The following SUGCT variants were observed in gnomAD, a reference collection of about 807,000 sequenced individuals.
The protein encoded by SUGCT is succinyl-CoA:glutarate-CoA transferase.
In SUGCT, 41 loss-of-function variants were observed where a neutral mutation model predicts 55.0. The ratio of observed to expected loss-of-function variants is 0.74; its 90% confidence interval spans 0.58 to 0.97. SUGCT has a LOEUF of 0.97. SUGCT is among the 50% of genes least tolerant of loss of function. SUGCT has a pLI of 0.00. For missense variants in SUGCT, 568 were observed against 547.8 expected (o/e 1.04, Z -0.37); for synonymous variants, 187 against 200.4 (o/e 0.93, Z 0.56).
intron 13 of SUGCT, among the ~76,000 whole-genome samples, chr7:40,796,169 C>T (rs887031247): frequency 1.2e-4 from 19 of 152,054 alleles, no homozygotes; most frequent in African/African-American, 4.3e-4. Context: ...GTGTTGAGCC[C>T]ACTAAATAGT....
chr7:40,630,129 C>T (rs1799721992), intron 12 of SUGCT, among the ~76,000 whole-genome samples: 1 of 152,242 alleles, frequency 6.6e-6, no homozygotes, highest in Non-Finnish European at 1.5e-5. Context: ...TTTGCGCCTC[C>T]CATCACTTCC....
At chr7:41,038,177 G>A in the SUGCT span, among the ~76,000 whole-genome samples, 1 of 152,140 alleles carries the variant, frequency 6.6e-6, no homozygotes, top group Non-Finnish European at 1.5e-5. Context: ...TGGAAAGTGA[G>A]GCATCCGTCT....
At chr7:40,510,170 G>A (rs1053309445) in intron 12 of SUGCT, among the ~76,000 whole-genome samples, 20 of 151,752 alleles carry the variant, frequency 1.3e-4, no homozygotes, top group South Asian at 6.2e-4. Context: ...TAAGGTAAGC[G>A]AATGTTATAG....
intron 12 of SUGCT, among the ~76,000 whole-genome samples, chr7:40,506,937 A>G (rs1327170589): frequency 6.6e-6 from 1 of 152,140 alleles, no homozygotes; most frequent in Non-Finnish European, 1.5e-5. Flanking sequence ...CCTTTAGGAG[A>G]CAGTGTCAAC....
At chr7:40,536,088 G>C (rs1456395229) in intron 12 of SUGCT, among the ~76,000 whole-genome samples, 1 of 152,116 alleles carries the variant, frequency 6.6e-6, no homozygotes, top group Non-Finnish European at 1.5e-5. Flanking sequence ...TCGAATGCAT[G>C]GTTTGCAAAT....
chr7:41,028,725 C>A, the SUGCT span, among the ~76,000 whole-genome samples: 1 of 152,180 alleles, frequency 6.6e-6, no homozygotes, highest in African/African-American at 2.4e-5. Context: ...CCATTGTTGA[C>A]TAAAATGTTG....
intron 8 of SUGCT, among the ~76,000 whole-genome samples, chr7:40,280,136 C>G (rs74656306): frequency 0.017 from 2,516 of 152,260 alleles, 58 homozygotes; most frequent in African/African-American, 0.058. Flanking sequence ...AAATGATTGC[C>G]TCAGCCACAA....
chr7:40,710,884 G>A (rs972882154), intron 12 of SUGCT, among the ~76,000 whole-genome samples: 1 of 152,164 alleles, frequency 6.6e-6, no homozygotes, highest in Admixed American at 6.5e-5. Context: ...AGGTTTGCCT[G>A]TATGTTCTCT....
intron 1 of SUGCT, among the ~76,000 whole-genome samples, chr7:40,149,889 A>G (rs1788461499): frequency 6.6e-6 from 1 of 152,220 alleles, no homozygotes; most frequent in Admixed American, 6.5e-5. Flanking sequence ...ATCGCACTCC[A>G]GCCTGGGCAA....
chr7:40,175,393 T>C (rs1386813965), intron 1 of SUGCT, among the ~76,000 whole-genome samples: 1 of 152,118 alleles, frequency 6.6e-6, no homozygotes, highest in East Asian at 1.9e-4. Flanking sequence ...CTGCTTTTTG[T>C]ATTTTCAGTA....
chr7:40,814,340 A>G (rs776780952), intron 13 of SUGCT, among the ~76,000 whole-genome samples: 6 of 152,036 alleles, frequency 3.9e-5, no homozygotes, highest in Non-Finnish European at 8.8e-5. Context: ...AATGCCAATC[A>G]TTTGTAAGTT....
the SUGCT span, among the ~76,000 whole-genome samples, chr7:41,022,189 A>C: frequency 5.3e-5 from 8 of 152,162 alleles, no homozygotes; most frequent in Non-Finnish European, 1.2e-4. Flanking sequence ...GACAGGCAGA[A>C]GGTCTTAAGA....
intron 12 of SUGCT, among the ~76,000 whole-genome samples, chr7:40,510,490 AG>A (rs568678565): frequency 2.5e-3 from 373 of 152,204 alleles, no homozygotes; most frequent in African/African-American, 8.4e-3. Flanking sequence ...GGGGTGAGGG[AG>A]GAAAAAGAAA....
intron 12 of SUGCT, among the ~76,000 whole-genome samples, chr7:40,649,690 A>G (rs912241617): frequency 6.6e-6 from 1 of 152,218 alleles, no homozygotes; most frequent in South Asian, 2.1e-4. Context: ...TGGTATTAAT[A>G]TGTATATGAG....
chr7:40,495,875 T>C (rs1473191454), intron 11 of SUGCT, among the ~76,000 whole-genome samples: 1 of 152,158 alleles, frequency 6.6e-6, no homozygotes, highest in African/African-American at 2.4e-5. Context: ...ACAGCTATAT[T>C]AGTATTTTTT....
the SUGCT span, among the ~76,000 whole-genome samples, chr7:40,868,749 G>C: frequency 1.3e-5 from 2 of 152,118 alleles, no homozygotes; most frequent in Non-Finnish European, 2.9e-5. Flanking sequence ...GTCTCACTAT[G>C]TTGGCCAGGC....
chr7:40,764,904 T>C (rs1250343387), intron 13 of SUGCT, among the ~76,000 whole-genome samples: 1 of 152,148 alleles, frequency 6.6e-6, no homozygotes, highest in African/African-American at 2.4e-5. Flanking sequence ...GTTCTTTCTG[T>C]GGTGTGGAGG....
chr7:40,151,746 A>G (rs1305684458), intron 1 of SUGCT: 5 of 159,408 alleles, frequency 3.1e-5, no homozygotes, highest in Non-Finnish European at 7.0e-5. Flanking sequence ...GTAACTGCCC[A>G]GTGCATTCAT....
chr7:40,158,004 C>G (rs1050442518), intron 1 of SUGCT, among the ~76,000 whole-genome samples: 5 of 151,904 alleles, frequency 3.3e-5, no homozygotes, highest in Non-Finnish European at 7.4e-5. Flanking sequence ...GTCAAGAGTT[C>G]AAGACCAGCC....
Sources: gnomAD v4.1 joint callset for allele counts (sites outside exome capture counted in the v4.1 genomes callset) on GRCh38, gnomAD v4.1.1 for gene constraint, MANE v1.5 for transcripts, NCBI Gene and HGNC (gene_info 2026-07-23, HGNC 2026-07-21) for gene names.